Variants in SP100 observed in about 807,000 individuals in gnomAD.
The protein encoded by SP100 is nuclear autoantigen Sp-100.
In SP100, 84 loss-of-function variants were observed where a neutral mutation model predicts 130.0. The ratio of observed to expected loss-of-function variants is 0.65; its 90% CI spans 0.54 to 0.77. The LOEUF is 0.77. Among genes scored for constraint, SP100 ranks in the 30% least tolerant of loss-of-function variants. SP100 has a pLI of 0.00. For missense variants in SP100, 978 were observed against 1,052.2 expected, an observed-to-expected ratio of 0.93 and a Z score of 0.97; for synonymous variants, 331 against 351.7, an observed-to-expected ratio of 0.94 and a Z score of 0.66.
intron 2 of SP100, among the ~76,000 whole-genome samples, chr2:230,438,339 T>C (rs78063519): frequency 3.3e-5 from 5 of 152,212 alleles, no homozygotes; most frequent in African/African-American, 1.2e-4. Context: ...GATAAGTTCA[T>C]TAGTGGTGAT....
chr2:230,515,128 G>C, intron 24 of SP100: 1 of 1,612,866 alleles, frequency 6.2e-7, no homozygotes. Flanking sequence ...AGATGCTTCA[G>C]TCAAGTTCTC....
chr2:230,436,295 A>G (rs553562915), intron 2 of SP100, among the ~76,000 whole-genome samples: 1 of 152,262 alleles, frequency 6.6e-6, no homozygotes, highest in African/African-American at 2.4e-5. Flanking sequence ...AGTTTTATAT[A>G]TCTATTTTCT....
intron 24 of SP100, among the ~76,000 whole-genome samples, chr2:230,520,936 A>G (rs550134544): frequency 6.6e-6 from 1 of 152,214 alleles, no homozygotes; most frequent in East Asian, 1.9e-4. Context: ...AACAATCAGT[A>G]AAACTTTATG....
At chr2:230,526,765 C>G (rs966370657) in intron 24 of SP100, among the ~76,000 whole-genome samples, 4 of 152,144 alleles carry the variant, frequency 2.6e-5, no homozygotes, top group African/African-American at 9.7e-5. Flanking sequence ...GGCACGAGAA[C>G]TTCATGACGC....
rs995578933 is a variant in SP100 at position 230,472,411 on chromosome 2, G to A, written c.1430-913G>A. Among the ~76,000 whole-genome samples the A allele has an allele frequency of 3.3e-5, 4 of 120,790 alleles. No individual in the cohort carries two copies. In the Admixed American group the frequency reaches 4.2e-4, roughly 13 times the overall value. 79.2% of individuals were successfully genotyped at this position (120,790 alleles called of 152,430 possible). A position where few individuals can be genotyped will look rare whatever the true frequency, so the allele number is the denominator to read the frequency against. ...CCACTGCACTCCAGCCTGGGCGATC[G>A]AGCAAGACTCCGTCTCAAAAAAAAA... On this transcript the variant is annotated intron_variant, in intron 15 of 28. Transcript: ENST00000340126.
At chr2:230,528,969 C>G (rs1691566650) in intron 24 of SP100, among the ~76,000 whole-genome samples, 1 of 152,160 alleles carries the variant, frequency 6.6e-6, no homozygotes, top group African/African-American at 2.4e-5. Flanking sequence ...CAGGACCAGA[C>G]AGATTCACAG....
chr2:230,461,885 G>A (rs940817776), intron 9 of SP100, among the ~76,000 whole-genome samples: 13 of 151,822 alleles, frequency 8.6e-5, no homozygotes, highest in African/African-American at 3.1e-4. Context: ...GGATGCGGAA[G>A]TTGCAGTGAG....
intron 8 of SP100, among the ~76,000 whole-genome samples, chr2:230,457,272 A>C (rs1465574708): frequency 1.3e-5 from 2 of 152,214 alleles, no homozygotes; most frequent in Non-Finnish European, 2.9e-5. Flanking sequence ...CATGAAGCCC[A>C]GTGCTATTGA....
At chr2:230,424,457 A>C (rs1559480147) in intron 2 of SP100, among the ~76,000 whole-genome samples, 1 of 152,144 alleles carries the variant, frequency 6.6e-6, no homozygotes, top group Non-Finnish European at 1.5e-5. Context: ...ACCTGAGGTC[A>C]GGAGTTCAAG....
At chr2:230,432,411 C>T (rs1017994244) in intron 2 of SP100, among the ~76,000 whole-genome samples, 3 of 152,118 alleles carry the variant, frequency 2.0e-5, no homozygotes, top group Non-Finnish European at 2.9e-5. Context: ...AGGAGTGAAA[C>T]TATTGGGTTC....
At chr2:230,542,130 C>T (rs1338034604) in intron 28 of SP100, 95 bp downstream of exon 28, 21 of 1,355,560 alleles carry the variant, frequency 1.5e-5, no homozygotes, top group Non-Finnish European at 1.9e-5. Flanking sequence ...ATGTTACAAT[C>T]GCCCTTATCA....
chr2:230,474,536 C>A, intron 17 of SP100, 89 bp downstream of exon 17: 1 of 709,718 alleles, frequency 1.4e-6, no homozygotes, highest in Middle Eastern at 3.6e-4. Context: ...TTTCTTTTTT[C>A]AACTTTTATT....
In SP100 at chr2:230,543,506, C is replaced by T. The variant is rs1206625924; in HGVS notation, c.*560C>T. 6.6e-6 allele frequency: 1 copy of T among 152,114 alleles called. No homozygotes were observed. The highest frequency in any genetic ancestry group is 2.4e-5 in the African/African-American group (1 of 41,414). 9.4% of individuals were successfully genotyped at this position (152,114 alleles called of 1,614,324 possible). ...TATGAAAATTACTAGTATTCCTATA[C>T]ACCAGCAATAGCCAAGCCAAGAGCC... On this transcript the variant is annotated 3_prime_UTR_variant, in exon 29 of 29. Transcript: ENST00000340126.
rs371553206 is a variant in SP100 at position 230,461,412 on chromosome 2, T to C, written c.971T>C (p.Ile324Thr). The C allele has an allele frequency of 6.2e-7, 1 of 1,613,998 alleles. No homozygotes were observed. Among genetic ancestry groups the C allele is most frequent in the Non-Finnish European group, 8.5e-7 (1 of 1,179,932 alleles). ...RTHHNQASDI[I>T]VISSEDSEGS... ...CATCATAACCAGGCATCTGACATAA[T>C]AGGTAAGGCTGACTGGGAGAGTTTG... Residue 324 changes from isoleucine (I) to threonine (T), a missense_variant and splice_region_variant, in exon 9 of 29, where the codon ATA (isoleucine) becomes ACA (threonine). Transcript: ENST00000340126.
At chr2:230,451,853 A>G (rs577753554) in intron 8 of SP100, among the ~76,000 whole-genome samples, 5 of 152,314 alleles carry the variant, frequency 3.3e-5, no homozygotes, top group Admixed American at 1.3e-4. Flanking sequence ...ATTCTTCTGC[A>G]TGTGGATATC....
At chr2:230,450,105 TA>T in intron 7 of SP100, 66 bp from the exon 8 acceptor site, 1 of 1,156,714 alleles carries the variant, frequency 8.6e-7, no homozygotes, top group South Asian at 1.3e-5. Context: ...GGGTGAGGTC[TA>T]ACCAAATGGA....
chr2:230,446,719 GAGTCACCCA>G, intron 4 of SP100, 91 bp from the exon 5 acceptor site: 2 of 710,980 alleles, frequency 2.8e-6, no homozygotes, highest in Non-Finnish European at 4.8e-6. Flanking sequence ...TCTGAGCTCT[GAGTCACCCA>G]AGGGCTGGAA....
At chr2:230,513,113 A>T (rs1559988) in intron 24 of SP100, among the ~76,000 whole-genome samples, 1 of 152,230 alleles carries the variant, frequency 6.6e-6, no homozygotes, top group Non-Finnish European at 1.5e-5. Context: ...ACAGGCCATG[A>T]GTTGGTACAG....
rs1388218274 is a variant in SP100 at position 230,462,464 on chromosome 2, A to G, written c.1003A>G (p.Thr335Ala). Residue 335 changes from threonine (T) to alanine (A), a missense_variant, in exon 10 of 29, where the codon ACT (threonine) becomes GCT (alanine). Thr to Ala is a moderately conservative substitution (Grantham distance 58, BLOSUM62 0). Transcript: ENST00000340126. ...VISSEDSEGS[T>A]DVDEPLEVFI... is the part of the protein sequence containing the mutation. ...CAGCAGTGAGGACTCTGAAGGATCC[A>G]CTGACGTTGATGAGCCCTTAGAAGT... 1 of 1,613,914 alleles carries G rather than the reference A, an allele frequency of 6.2e-7. No homozygotes were observed. Among genetic ancestry groups the G allele is most frequent in the Non-Finnish European group, 8.5e-7 (1 of 1,179,890 alleles).
Sources: gnomAD v4.1 joint callset for allele counts (sites outside exome capture counted in the v4.1 genomes callset) on GRCh38, gnomAD v4.1.1 for gene constraint, MANE v1.5 for transcripts, NCBI Gene and HGNC (gene_info 2026-07-23, HGNC 2026-07-21) for gene names.